FILIP1L: variants seen among roughly 807,000 people sequenced by gnomAD.
The protein encoded by FILIP1L is filamin A-interacting protein 1-like.
FILIP1L carries 55 observed loss-of-function variants against 96.6 expected under a neutral mutation model. That is an observed-to-expected ratio of 0.57 (90% CI 0.46 to 0.71). The LOEUF (loss-of-function observed/expected upper bound fraction) is 0.71. Among genes scored for constraint, FILIP1L ranks in the 30% least tolerant of loss-of-function variants. FILIP1L has a pLI of 0.00. For missense variants in FILIP1L, 1,304 were observed against 1,321.2 expected, an observed-to-expected ratio of 0.99 and a Z score of 0.20; for synonymous variants, 467 against 473.9, an observed-to-expected ratio of 0.99 and a Z score of 0.19.
intron 1 of FILIP1L, among the ~76,000 whole-genome samples, chr3:100,110,256 G>A (rs1052454700): frequency 2.0e-5 from 3 of 152,154 alleles, no homozygotes; most frequent in African/African-American, 4.8e-5. Flanking sequence ...TTCATTTAGA[G>A]ATGTTAGGGG....
chr3:99,951,863 C>T (rs1708186504), intron 1 of FILIP1L, among the ~76,000 whole-genome samples: 1 of 152,186 alleles, frequency 6.6e-6, no homozygotes, highest in African/African-American at 2.4e-5. Flanking sequence ...ATGTGAATGG[C>T]TGTGGCTATG....
At chr3:100,066,090 T>C (rs111390214) in intron 1 of FILIP1L, among the ~76,000 whole-genome samples, 83 of 152,346 alleles carry the variant, frequency 5.4e-4, no homozygotes, top group African/African-American at 1.9e-3. Flanking sequence ...AGAGATGGTC[T>C]TTACTCTTTA....
chr3:100,007,667 G>T (rs1460458308), intron 1 of FILIP1L, among the ~76,000 whole-genome samples: 1 of 152,158 alleles, frequency 6.6e-6, no homozygotes, highest in Non-Finnish European at 1.5e-5. Context: ...CCTTTAAATT[G>T]CCTTAAACCA....
intron 3 of FILIP1L, among the ~76,000 whole-genome samples, chr3:99,927,947 T>A (rs545100906): frequency 6.6e-6 from 1 of 152,264 alleles, no homozygotes; most frequent in South Asian, 2.1e-4. Context: ...TTCTTCTAAG[T>A]TATTTTGCCT....
At chr3:99,852,685 C>G (rs953862922) in intron 4 of FILIP1L, among the ~76,000 whole-genome samples, 3 of 152,072 alleles carry the variant, frequency 2.0e-5, no homozygotes, top group African/African-American at 7.2e-5. Flanking sequence ...ACCTTGTGAT[C>G]CACCTGCCTC....
chr3:100,079,751 A>T (rs2107399586), intron 1 of FILIP1L, among the ~76,000 whole-genome samples: 1 of 152,310 alleles, frequency 6.6e-6, no homozygotes, highest in East Asian at 1.9e-4. Flanking sequence ...TCCCACAGCA[A>T]ATCCCAGATT....
chr3:100,010,759 T>C (rs929052825), intron 1 of FILIP1L, among the ~76,000 whole-genome samples: 1 of 148,190 alleles, frequency 6.7e-6, no homozygotes, highest in Non-Finnish European at 1.5e-5. Context: ...GGATTACAGG[T>C]GCGCGCCTCC....
In FILIP1L at chr3:99,848,976, C is replaced by T. The variant is rs779863867; in HGVS notation, c.2700G>A (p.Gln900=). The change falls in exon 5 of 6, where the codon CAG becomes CAA. Residue 900 remains glutamine (Q), a synonymous_variant. Coordinates refer to ENST00000477258, the MANE Select transcript of FILIP1L (RefSeq NM_001387850.1). ...CTGGAGTAACCTTTATATGAAGTGGCTGCCCAGGTGTGTGGCTTAGGACTA... is the reference window on the plus strand; with the variant it reads ...CTGGAGTAACCTTTATATGAAGTGGTTGCCCAGGTGTGTGGCTTAGGACTA... ...GDLVLSHTPG[Q]PLHIKVTPDH... is the part of the protein sequence containing the mutation. The T allele has an allele frequency of 6.2e-7, 1 of 1,613,914 alleles. No individual in the cohort carries two copies. The highest frequency in any genetic ancestry group is 8.5e-7 in the Non-Finnish European group (1 of 1,179,978).
intron 1 of FILIP1L, among the ~76,000 whole-genome samples, chr3:100,047,663 C>T (rs1238014744): frequency 6.6e-6 from 1 of 152,198 alleles, no homozygotes; most frequent in African/African-American, 2.4e-5. Flanking sequence ...TTTTGTCCTT[C>T]TGGAAGCCTC....
At chr3:99,881,453 C>A (rs936864556) in intron 4 of FILIP1L, among the ~76,000 whole-genome samples, 2 of 152,172 alleles carry the variant, frequency 1.3e-5, no homozygotes, top group Non-Finnish European at 2.9e-5. Flanking sequence ...CTGTCCCTTG[C>A]CAGTACAGAT....
intron 4 of FILIP1L, among the ~76,000 whole-genome samples, chr3:99,876,459 T>C (rs1224881024): frequency 6.6e-6 from 1 of 152,226 alleles, no homozygotes; most frequent in Non-Finnish European, 1.5e-5. Flanking sequence ...GTCGATCCGC[T>C]TGTAACTTTT....
chr3:99,922,564 C>CAATA (rs1259365753), intron 4 of FILIP1L, among the ~76,000 whole-genome samples: 6 of 152,170 alleles, frequency 3.9e-5, no homozygotes, highest in Non-Finnish European at 7.3e-5. Context: ...TGAAAGTTTG[C>CAATA]TATTAGCCTA....
intron 1 of FILIP1L, among the ~76,000 whole-genome samples, chr3:99,955,235 C>A (rs890475949): frequency 2.6e-5 from 4 of 152,144 alleles, no homozygotes; most frequent in African/African-American, 4.8e-5. Context: ...AATAAAGTGG[C>A]ATGCTCACAC....
At chr3:100,101,307 G>C (rs1481787248) in intron 1 of FILIP1L, among the ~76,000 whole-genome samples, 1 of 152,170 alleles carries the variant, frequency 6.6e-6, no homozygotes, top group Non-Finnish European at 1.5e-5. Flanking sequence ...GAGAGGGAGT[G>C]CATTGACTTC....
intron 1 of FILIP1L, among the ~76,000 whole-genome samples, chr3:99,984,002 TC>T (rs2107738449): frequency 6.6e-6 from 1 of 150,812 alleles, no homozygotes; most frequent in East Asian, 2.0e-4. Flanking sequence ...TATTGGTTAA[TC>T]TCCTAACTTC....
At chr3:99,847,658 T>TA (rs1440717257) in intron 5 of FILIP1L, among the ~76,000 whole-genome samples, 1 of 152,206 alleles carries the variant, frequency 6.6e-6, no homozygotes, top group Non-Finnish European at 1.5e-5. Flanking sequence ...GCTGGGCTCT[T>TA]AGAGATACTG....
chr3:100,052,105 G>C (rs1281870877), intron 1 of FILIP1L, among the ~76,000 whole-genome samples: 1 of 151,994 alleles, frequency 6.6e-6, no homozygotes, highest in Non-Finnish European at 1.5e-5. Context: ...CTACTAATGG[G>C]CATAATTTGT....
intron 1 of FILIP1L, among the ~76,000 whole-genome samples, chr3:99,998,656 G>A (rs954742315): frequency 2.0e-5 from 3 of 152,102 alleles, no homozygotes; most frequent in Admixed American, 1.3e-4. Flanking sequence ...TCCGCCTCCC[G>A]GGTTCACGCG....
At chr3:100,062,773 G>T (rs1171746131) in intron 1 of FILIP1L, among the ~76,000 whole-genome samples, 4 of 152,146 alleles carry the variant, frequency 2.6e-5, no homozygotes, top group African/African-American at 9.7e-5. Flanking sequence ...CTTTGTCCTG[G>T]TTCCTCAGCA....
Sources: gnomAD v4.1 joint callset for allele counts (sites outside exome capture counted in the v4.1 genomes callset) on GRCh38, gnomAD v4.1.1 for gene constraint, MANE v1.5 for transcripts, NCBI Gene and HGNC (gene_info 2026-07-23, HGNC 2026-07-21) for gene names.